Variants in PCDHGA3 observed in about 807,000 individuals in gnomAD.
PCDHGA3 encodes the protein protocadherin gamma subfamily A, 3.
A neutral mutation model predicts 58.5 loss-of-function variants in PCDHGA3; 40 were observed. The ratio of observed to expected loss-of-function variants is 0.68; its 90% CI spans 0.53 to 0.89. The LOEUF (loss-of-function observed/expected upper bound fraction) is 0.89, where lower values mean the gene tolerates loss of function less well. Among genes scored for constraint, PCDHGA3 ranks in the 40% least tolerant of loss-of-function variants. The pLI is 0.00. For synonymous variants in PCDHGA3, 530 were observed against 525.7 expected, an observed-to-expected ratio of 1.01 and a Z score of -0.11; for missense variants, 1,223 against 1,195.9, an observed-to-expected ratio of 1.02 and a Z score of -0.33.
intron 1 of PCDHGA3, chr5:141,394,620 T>A: frequency 6.2e-7 from 1 of 1,613,124 alleles, no homozygotes; most frequent in Non-Finnish European, 8.5e-7. Context: ...CCAGAACGCC[T>A]GGCTGTCCTA....
intron 1 of PCDHGA3, chr5:141,422,667 G>A (rs1283968031): frequency 1.9e-6 from 3 of 1,607,536 alleles, no homozygotes; most frequent in South Asian, 1.1e-5. Context: ...CCCTCGACCC[G>A]GACAGCAAAC....
intron 1 of PCDHGA3, chr5:141,374,319 C>A: frequency 6.2e-7 from 1 of 1,613,942 alleles, no homozygotes; most frequent in Non-Finnish European, 8.5e-7. Flanking sequence ...TCTCTGAATC[C>A]GCGAAACGGC....
intron 1 of PCDHGA3, chr5:141,411,948 G>A (rs2095525022): frequency 1.3e-5 from 2 of 152,152 alleles, no homozygotes. Flanking sequence ...GAAGATTTTT[G>A]AAGAAAAAAG....
intron 1 of PCDHGA3, chr5:141,393,093 G>T: frequency 2.5e-6 from 4 of 1,613,620 alleles, no homozygotes; most frequent in Non-Finnish European, 3.4e-6. Context: ...AGATCGGGAG[G>T]AGCTCTGCGC....
At position 141,430,831 on chromosome 5, in the gene PCDHGA3, G is replaced by A; in HGVS notation, c.2425-63976G>A. ...TGGGAATCCTCCTGGGGACTCTGTGGGAGACCGGATGCACCCAGATACGCT... is the reference window on the plus strand; with the variant it reads ...TGGGAATCCTCCTGGGGACTCTGTGAGAGACCGGATGCACCCAGATACGCT... On this transcript the variant is annotated intron_variant, in intron 1 of 3. Coordinates refer to ENST00000253812, the MANE Select transcript of PCDHGA3 (RefSeq NM_018916.4). 3 of 1,555,334 alleles carry A rather than the reference G, an allele frequency of 1.9e-6. No individual in the cohort carries two copies. In the South Asian group the frequency reaches 3.8e-5, roughly 19 times the overall value.
At chr5:141,371,659 T>A (rs762117464) in intron 1 of PCDHGA3, 4 of 1,613,850 alleles carry the variant, frequency 2.5e-6, no homozygotes. Flanking sequence ...AATGTGACGA[T>A]CACAGCTACC....
rs767983504 is a variant in PCDHGA3, at chr5:141,393,225, C to T, written c.2424+46768C>T. On this transcript the variant is annotated intron_variant, in intron 1 of 3. Coordinates refer to ENST00000253812, the MANE Select transcript of PCDHGA3 (RefSeq NM_018916.4). ...TAACCCAAAATTCCAGGTCGAAGATCTAGAAGTAAAAATTAACGAAATCGC... is the reference window on the plus strand; with the variant it reads ...TAACCCAAAATTCCAGGTCGAAGATTTAGAAGTAAAAATTAACGAAATCGC... 7 of 1,613,552 alleles carry T rather than the reference C, an allele frequency of 4.3e-6. No individual in the cohort carries two copies. The South Asian group carries it at 5.5e-5, about 13-fold the overall frequency.
chr5:141,427,268 A>G (rs1433017911), intron 1 of PCDHGA3: 7 of 456,648 alleles, frequency 1.5e-5, no homozygotes, highest in Non-Finnish European at 3.1e-5. Flanking sequence ...TGACCAGCGA[A>G]TGTAAAATTA....
At position 141,365,518 on chromosome 5, in the gene PCDHGA3, G is replaced by T. The variant is rs1763970946; in HGVS notation, c.2424+19061G>T. 5 of 1,613,870 alleles carry T rather than the reference G, an allele frequency of 3.1e-6. No individual in the cohort carries two copies. The Middle Eastern group carries it at 4.9e-4, about 160-fold the overall frequency. On this transcript the variant is annotated intron_variant, in intron 1 of 3. Transcript: ENST00000253812. The stretch of plus-strand genomic sequence containing the variant: ...GGAATTTGCCTTTTAAATTGGAGAA[G>T]TCAGTTGATAATTACTATCACCTAT...
chr5:141,390,855 A>G (rs941626765), intron 1 of PCDHGA3: 5 of 156,986 alleles, frequency 3.2e-5, no homozygotes, highest in African/African-American at 1.0e-4. Context: ...TATGCAGTGT[A>G]CGCTGTGTGT....
intron 1 of PCDHGA3, chr5:141,374,871 CA>C: frequency 6.2e-7 from 1 of 1,613,662 alleles, no homozygotes; most frequent in South Asian, 1.1e-5. Flanking sequence ...CCAGTGTTGG[CA>C]GTGACTGCCA....
chr5:141,400,561 A>G, intron 1 of PCDHGA3: 1 of 1,612,992 alleles, frequency 6.2e-7, no homozygotes, highest in Non-Finnish European at 8.5e-7. Flanking sequence ...TTCATTACCC[A>G]CCCAATTTTC....
At chr5:141,478,408 G>C in intron 1 of PCDHGA3, 1 of 1,613,340 alleles carries the variant, frequency 6.2e-7, no homozygotes, top group Non-Finnish European at 8.5e-7. Flanking sequence ...ATCTCACCAC[G>C]GACTCCCGCC....
chr5:141,448,232 T>A (rs917554207), intron 1 of PCDHGA3, among the ~76,000 whole-genome samples: 1 of 152,094 alleles, frequency 6.6e-6, no homozygotes, highest in Admixed American at 6.6e-5. Context: ...ATGTGTGGGG[T>A]TTTCTTTGCA....
In PCDHGA3 at chr5:141,405,080, A is replaced by T. The variant is rs1382053021; in HGVS notation, c.2424+58623A>T. 2.5e-6 allele frequency: 4 copies of T among 1,613,560 alleles called. No individual in the cohort carries two copies. In the East Asian group the frequency reaches 6.7e-5, roughly 27 times the overall value. On this transcript the variant is annotated intron_variant, in intron 1 of 3. Coordinates refer to ENST00000253812, the MANE Select transcript of PCDHGA3 (RefSeq NM_018916.4). ...CTGTGTCTTCCTCACCTTCGTTATC[A>T]CGCTGCTGGCCCTCAGGCTGAGGCA...
At position 141,363,955 on chromosome 5, in the gene PCDHGA3, A is replaced by C. The variant is rs139714384; in HGVS notation, c.2424+17498A>C. 3.1e-4 allele frequency among the ~76,000 whole-genome samples: 47 copies of C among 152,356 alleles called. No individual in the cohort carries two copies. The East Asian group carries it at 8.9e-3, about 29-fold the overall frequency. ...TCTAATAATCATATTGATCTCAGGG[A>C]TTGTGGAAGTCTTGCTATTCAGAAT... On this transcript the variant is annotated intron_variant, in intron 1 of 3. Coordinates refer to ENST00000253812, the MANE Select transcript of PCDHGA3 (RefSeq NM_018916.4).
chr5:141,423,488 ATTC>A, intron 1 of PCDHGA3: 1 of 1,613,954 alleles, frequency 6.2e-7, no homozygotes, highest in Non-Finnish European at 8.5e-7. Flanking sequence ...CTGCAAACCT[ATTC>A]CCACGAGGTC....
chr5:141,413,352 G>A (rs896091511), intron 1 of PCDHGA3: 1 of 1,613,976 alleles, frequency 6.2e-7, no homozygotes, highest in African/African-American at 1.3e-5. Flanking sequence ...TGGGTCTGGC[G>A]CCCCGGGAGC....
At chr5:141,362,208 C>G in intron 1 of PCDHGA3, 1 of 1,614,074 alleles carries the variant, frequency 6.2e-7, no homozygotes, top group East Asian at 2.2e-5. Context: ...TGCAGTTTTA[C>G]CTGGTTGTGG....
Sources: allele counts gnomAD v4.1 joint callset (sites outside exome capture counted in the v4.1 genomes callset), GRCh38; gene constraint gnomAD v4.1.1; transcripts MANE v1.5; gene names NCBI Gene and HGNC (gene_info 2026-07-23, HGNC 2026-07-21).